HS6ST2: variants seen among roughly 807,000 people sequenced by gnomAD.
The protein encoded by HS6ST2 is heparan-sulfate 6-O-sulfotransferase 2.
A neutral mutation model predicts 33.0 loss-of-function variants in HS6ST2; 17 were observed. The ratio of observed to expected loss-of-function variants is 0.52; its 90% CI spans 0.35 to 0.77. The LOEUF is 0.77. Ranked by LOEUF, HS6ST2 falls within the 30% of genes least tolerant of loss-of-function variation. The pLI is 0.01. For missense variants in HS6ST2, 519 were observed against 551.7 expected (o/e 0.94, Z 0.59); for synonymous variants, 248 against 237.1 (o/e 1.05, Z -0.42).
chrX:132,813,656 C>CT (rs2065370291), intron 2 of HS6ST2, among the ~76,000 whole-genome samples: 1 of 111,056 alleles, frequency 9.0e-6, no homozygotes, highest in African/African-American at 3.3e-5. Context: ...CTCTTTGACT[C>CT]TTGCTCTGAC....
At chrX:132,847,618 G>A (rs2065764633) in intron 2 of HS6ST2, among the ~76,000 whole-genome samples, 2 of 111,681 alleles carry the variant, frequency 1.8e-5, no homozygotes, top group African/African-American at 6.5e-5. Context: ...CAACACTAGT[G>A]AGACCACATC....
intron 2 of HS6ST2, among the ~76,000 whole-genome samples, chrX:132,744,315 T>C (rs939962654): frequency 1.6e-4 from 18 of 111,118 alleles, no homozygotes; most frequent in African/African-American, 5.9e-4. Flanking sequence ...AGCTTTAGAG[T>C]CACTACAGAG....
intron 4 of HS6ST2, among the ~76,000 whole-genome samples, chrX:132,638,617 C>G (rs1349049019): frequency 8.9e-6 from 1 of 112,110 alleles, no homozygotes; most frequent in East Asian, 2.8e-4. Context: ...CTTCACAACA[C>G]TAGAAAGACC....
At chrX:132,799,530 C>T (rs765508707) in intron 2 of HS6ST2, among the ~76,000 whole-genome samples, 7 of 109,471 alleles carry the variant, frequency 6.4e-5, no homozygotes, top group Non-Finnish European at 9.5e-5. Flanking sequence ...CATGCCATCA[C>T]GCCTGCCTAA....
intron 4 of HS6ST2, among the ~76,000 whole-genome samples, chrX:132,651,017 C>T (rs1342518255): frequency 9.0e-6 from 1 of 111,382 alleles, no homozygotes; most frequent in Admixed American, 9.5e-5. Context: ...ATCCTCCCAC[C>T]TTGGCCTCCC....
At chrX:132,642,643 T>C (rs919026229) in intron 4 of HS6ST2, among the ~76,000 whole-genome samples, 7 of 111,580 alleles carry the variant, frequency 6.3e-5, no homozygotes, top group Admixed American at 3.8e-4. Context: ...TTCTATACAG[T>C]AACAGGCACA....
At chrX:132,953,361 GCTCTCT>G (rs3033785) in intron 2 of HS6ST2, among the ~76,000 whole-genome samples, 1 of 106,733 alleles carries the variant, frequency 9.4e-6, no homozygotes, top group African/African-American at 3.4e-5. Flanking sequence ...CACCAGCCAA[GCTCTCT>G]CTCTCTCTCT....
intron 3 of HS6ST2, among the ~76,000 whole-genome samples, chrX:132,693,113 A>G (rs987268034): frequency 8.9e-6 from 1 of 112,203 alleles, no homozygotes; most frequent in Non-Finnish European, 1.9e-5. Flanking sequence ...CCTCCCACAT[A>G]GGTAAATGTC....
intron 3 of HS6ST2, among the ~76,000 whole-genome samples, chrX:132,704,675 C>T (rs1409982355): frequency 8.9e-6 from 1 of 112,260 alleles, no homozygotes; most frequent in East Asian, 2.8e-4. Context: ...TCCCTTATCC[C>T]TAGAAAATAT....
At chrX:132,693,125 C>T (rs1332062131) in intron 3 of HS6ST2, among the ~76,000 whole-genome samples, 3 of 112,259 alleles carry the variant, frequency 2.7e-5, no homozygotes, top group African/African-American at 9.7e-5. Flanking sequence ...GTAAATGTCT[C>T]ATATGACGAA....
intron 2 of HS6ST2, among the ~76,000 whole-genome samples, chrX:132,952,329 G>A (rs1387776207): frequency 2.9e-5 from 3 of 103,589 alleles, no homozygotes; most frequent in Non-Finnish European, 5.9e-5. Flanking sequence ...AGCTCTCAAA[G>A]ACAGCTGAAG....
In HS6ST2 at chrX:132,628,186, G is replaced by A. The variant is rs978979171; in HGVS notation, c.*37C>T. The A allele has an allele frequency of 2.1e-6, 2 of 961,556 alleles. No homozygotes were observed. Among genetic ancestry groups the A allele is most frequent in the Non-Finnish European group, 1.4e-6 (1 of 705,575 alleles). The allele number at this position is 961,556 out of a possible 1,213,427, so 79.2% of individuals were successfully genotyped here. ...TAAGCTATGCCATCTTTTCAGTGGCGCTTTGGGAGAAGTATGTACAGGCCT... is the reference window on the plus strand; with the variant it reads ...TAAGCTATGCCATCTTTTCAGTGGCACTTTGGGAGAAGTATGTACAGGCCT... On this transcript the variant is annotated 3_prime_UTR_variant, in exon 5 of 5. Coordinates refer to ENST00000370833, the MANE Select transcript of HS6ST2 (RefSeq NM_001394073.1).
At chrX:132,857,282 G>A (rs750638505) in intron 2 of HS6ST2, among the ~76,000 whole-genome samples, 3 of 111,407 alleles carry the variant, frequency 2.7e-5, no homozygotes, top group African/African-American at 9.8e-5. Flanking sequence ...TCAAGGGTTC[G>A]AGATCAACCT....
chrX:132,812,129 G>C (rs985047707), intron 2 of HS6ST2, among the ~76,000 whole-genome samples: 6 of 109,370 alleles, frequency 5.5e-5, no homozygotes, highest in Admixed American at 1.0e-4. Flanking sequence ...CATCCTGGCC[G>C]GGCGCGGTGG....
chrX:132,698,109 GACATTCTAGCTTATA>G lies in HS6ST2; in HGVS notation c.980+10338_980+10352del, dbSNP rs762701390. Among the ~76,000 whole-genome samples the G allele has an allele frequency of 1.2e-4, 13 of 111,555 alleles. No homozygotes were observed. In the East Asian group the frequency reaches 3.1e-3, roughly 27 times the overall value. ...TCCTTTGTCTGTTCATCTTCATCTT[GACATTCTAGCTTATA>G]ACATTCTTGCCTTTCCTAGACTCAA... On this transcript the variant is annotated intron_variant, in intron 3 of 4. Transcript: ENST00000370833.
chrX:132,652,339 A>C (rs920050538), intron 4 of HS6ST2, among the ~76,000 whole-genome samples: 1 of 111,955 alleles, frequency 8.9e-6, no homozygotes, highest in South Asian at 3.8e-4. Context: ...AGGCATTTAC[A>C]TTTACAAAGC....
At chrX:132,635,704 G>T (rs745822612) in intron 4 of HS6ST2, among the ~76,000 whole-genome samples, 3 of 109,902 alleles carry the variant, frequency 2.7e-5, no homozygotes, top group Non-Finnish European at 5.7e-5. Flanking sequence ...TCAAGTCCAG[G>T]GATGTTGCTA....
At chrX:132,869,902 G>C (rs1466650664) in intron 2 of HS6ST2, among the ~76,000 whole-genome samples, 4 of 111,410 alleles carry the variant, frequency 3.6e-5, no homozygotes, top group African/African-American at 1.3e-4. Flanking sequence ...ACATAGTATT[G>C]GAAGTTCTGG....
chrX:132,884,311 A>T (rs1338224537), intron 2 of HS6ST2, among the ~76,000 whole-genome samples: 1 of 112,072 alleles, frequency 8.9e-6, no homozygotes, highest in Non-Finnish European at 1.9e-5. Flanking sequence ...GAGATGAAGG[A>T]TGGAAAGGAG....
Sources: allele counts gnomAD v4.1 joint callset (sites outside exome capture counted in the v4.1 genomes callset), GRCh38; gene constraint gnomAD v4.1.1; transcripts MANE v1.5; gene names NCBI Gene and HGNC (gene_info 2026-07-23, HGNC 2026-07-21).